The following COPZ2 variants were observed in gnomAD, a reference collection of about 807,000 sequenced individuals.
COPZ2 encodes coat protein complex I subunit zeta 2, also known as coatomer subunit zeta-2.
In COPZ2, 30 loss-of-function variants were observed where a neutral mutation model predicts 33.2. The observed-to-expected ratio is 0.90, with a 90% CI of 0.68 to 1.23. COPZ2 has a LOEUF of 1.23. Ranked by LOEUF, COPZ2 falls within the 50% of genes most tolerant of loss-of-function variation. The pLI, the probability that COPZ2 is intolerant of heterozygous loss-of-function variation, is 0.00. For missense variants in COPZ2, 263 were observed against 262.4 expected, an observed-to-expected ratio of 1.00 and a Z score of -0.02; for synonymous variants, 89 against 102.6, an observed-to-expected ratio of 0.87 and a Z score of 0.80.
In COPZ2 at chr17:48,032,173, G is replaced by T. The variant is rs192028283; in HGVS notation, c.477C>A (p.Asp159Glu). The T allele has an allele frequency of 1.9e-6, 3 of 1,613,262 alleles. No homozygotes were observed. The highest frequency in any genetic ancestry group is 2.5e-6 in the Non-Finnish European group (3 of 1,179,636). Residue 159 changes from aspartate (D) to glutamate (E), a missense_variant, in exon 6 of 9, where the codon GAC (aspartate) becomes GAA (glutamate). Physicochemically the swap from Asp to Glu is conservative, Grantham distance 45. Transcript: ENST00000621465. ...ENMDGAFLVLDEIVDGGVILE... is the reference protein window; with the variant it reads ...ENMDGAFLVLEEIVDGGVILE... ...CTCCTCACCCGCCATCCACAATCTC[G>T]TCCAGCACCAAGAAGGCTCCGTCCA...
rs1282563944 is a variant in COPZ2 at position 48,028,621 on chromosome 17, G to A, written c.547-111C>T. 2.1e-6 allele frequency: 2 copies of A among 966,864 alleles called. No homozygotes were observed. The highest frequency in any genetic ancestry group is 3.1e-6 in the Non-Finnish European group (2 of 638,666). 59.9% of individuals were successfully genotyped at this position (966,864 alleles called of 1,614,324 possible). A position where few individuals can be genotyped will look rare whatever the true frequency, so the allele number is the denominator to read the frequency against. On this transcript the variant is annotated intron_variant, in intron 7 of 8. Coordinates refer to ENST00000621465, the MANE Select transcript of COPZ2 (RefSeq NM_016429.4). The surrounding 1 kb of genome is among the most constrained non-coding windows in gnomAD (Gnocchi z 4.5). ...TGGGTGAGGTGGTGCAGTGGTTAGG[G>A]TGATTCAGAGCTGCACCTGTGTCAC...
At position 48,026,489 on chromosome 17, in the gene COPZ2, G is replaced by A. The variant is rs1330234061; in HGVS notation, c.586-14C>T. ...AGACTGAAGAACCTGGGGTGGGGTG[G>A]GGGAGGTTGAGAGAGAATTGAGAAT... is the stretch of plus-strand genomic sequence containing the variant. On this transcript the variant is annotated splice_polypyrimidine_tract_variant and intron_variant, in intron 8 of 8. Coordinates refer to ENST00000621465, the MANE Select transcript of COPZ2 (RefSeq NM_016429.4). 2 of 1,600,046 alleles carry A rather than the reference G, an allele frequency of 1.2e-6. No homozygotes were observed. The highest frequency in any genetic ancestry group is 1.7e-6 in the Non-Finnish European group (2 of 1,167,640).
the COPZ2 span, among the ~76,000 whole-genome samples, chr17:48,044,323 G>A: frequency 6.6e-6 from 1 of 150,628 alleles, no homozygotes; most frequent in East Asian, 2.0e-4. Context: ...CTCCAGCCTG[G>A]ACCACAGAGC....
At chr17:48,042,809 G>A (rs1443348864), upstream of COPZ2, among the ~76,000 whole-genome samples, 2 of 152,144 alleles carry the variant, frequency 1.3e-5, no homozygotes, top group Non-Finnish European at 2.9e-5. Context: ...AGTAAATTCA[G>A]AGCCAAGTTC....
upstream of COPZ2, among the ~76,000 whole-genome samples, chr17:48,038,827 C>G (rs568327898): frequency 2.0e-5 from 3 of 152,354 alleles, no homozygotes; most frequent in East Asian, 5.8e-4. Flanking sequence ...ATCAAGTCTT[C>G]TTATCTTCAA....
intron 3 of COPZ2, 144 bp downstream of exon 3, chr17:48,033,719 C>A (rs899585237): frequency 1.5e-6 from 1 of 655,890 alleles, no homozygotes; most frequent in Non-Finnish European, 2.7e-6. Flanking sequence ...GAGTGGAGAA[C>A]AGCAGGGAAG....
intron 6 of COPZ2, among the ~76,000 whole-genome samples, chr17:48,030,973 G>A (rs1598259181): frequency 6.6e-6 from 1 of 152,312 alleles, no homozygotes; most frequent in South Asian, 2.1e-4. Context: ...TAGTGCCCCA[G>A]GCAGTCCAGT....
upstream of COPZ2, chr17:48,037,941 CTCTCCTTCCCCCACT>C: frequency 1.3e-6 from 1 of 780,752 alleles, no homozygotes; most frequent in Non-Finnish European, 1.6e-6. The surrounding 1 kb of genome is among the most constrained non-coding windows in gnomAD (Gnocchi z 5.6). Flanking sequence ...CTCACCCCAC[CTCTCCTTCCCCCACT>C]TCTCCTCTCC....
chr17:48,035,508 A>G (rs1384646339), intron 2 of COPZ2, among the ~76,000 whole-genome samples: 1 of 152,012 alleles, frequency 6.6e-6, no homozygotes. Flanking sequence ...CAATCCTCCC[A>G]CTTCAGCCTC....
At chr17:48,046,698 T>A in the COPZ2 span, 2 of 152,250 alleles carry the variant, frequency 1.3e-5, no homozygotes, top group Non-Finnish European at 2.9e-5. Flanking sequence ...GGGGACTGAA[T>A]GGTCTCCTAT....
chr17:48,041,404 C>A (rs1157439480), upstream of COPZ2, among the ~76,000 whole-genome samples: 2 of 152,066 alleles, frequency 1.3e-5, no homozygotes, highest in Non-Finnish European at 2.9e-5. Context: ...AAAAATAGAG[C>A]AGAAATGGGA....
Position 48,028,147 on chromosome 17 carries a change from T to G in COPZ2, c.585+325A>C, listed in dbSNP as rs2036842555. On this transcript the variant is annotated intron_variant, in intron 8 of 8. Coordinates refer to ENST00000621465, the MANE Select transcript of COPZ2 (RefSeq NM_016429.4). The surrounding 1 kb of genome is among the most constrained non-coding windows in gnomAD (Gnocchi z 4.5). ...ATCAGAGGCCTGAGTTCCCAGATTT[T>G]TGGGGTGCACAAGTGACCCAGCCAT... is the stretch of plus-strand genomic sequence containing the variant. Among the ~76,000 whole-genome samples the G allele has an allele frequency of 6.6e-6, 1 of 152,192 alleles. No individual in the cohort carries two copies. Among genetic ancestry groups the G allele is most frequent in the Non-Finnish European group, 1.5e-5 (1 of 68,028 alleles).
At chr17:48,039,843 C>T (rs1227861869), upstream of COPZ2, among the ~76,000 whole-genome samples, 2 of 152,078 alleles carry the variant, frequency 1.3e-5, no homozygotes, top group East Asian at 1.9e-4. Context: ...CAGTGTCGGC[C>T]GGGCACGGTG....
In COPZ2 at chr17:48,026,402, G is replaced by A; in HGVS notation, c.*26C>T. The A allele has an allele frequency of 6.3e-7, 1 of 1,595,880 alleles. No homozygotes were observed. The highest frequency in any genetic ancestry group is 1.1e-5 in the South Asian group (1 of 90,682). On this transcript the variant is annotated 3_prime_UTR_variant, in exon 9 of 9. Coordinates refer to ENST00000621465, the MANE Select transcript of COPZ2 (RefSeq NM_016429.4). ...CCAGGATTGGGGAAATGATCTGGGG[G>A]GCAGGGAGCCTTGAATCCACAGCCT...
chr17:48,045,443 G>A, the COPZ2 span: 1 of 152,112 alleles, frequency 6.6e-6, no homozygotes, highest in Non-Finnish European at 1.5e-5. Context: ...ACTGCAGGAT[G>A]GATGTGGCTG....
chr17:48,039,550 A>G (rs570762363), upstream of COPZ2, among the ~76,000 whole-genome samples: 1 of 151,896 alleles, frequency 6.6e-6, no homozygotes, highest in East Asian at 1.9e-4. Context: ...GATCATGATC[A>G]AGGTCTCACT....
chr17:48,037,948 T>G, upstream of COPZ2: 1 of 689,952 alleles, frequency 1.4e-6, no homozygotes, highest in Non-Finnish European at 1.8e-6. This position sits in a 1 kb window ranked among gnomAD's most constrained non-coding sequence, Gnocchi z 5.6. Flanking sequence ...CACCTCTCCT[T>G]CCCCCACTTC....
At chr17:48,042,130 TTTTC>T (rs1191133467), upstream of COPZ2, among the ~76,000 whole-genome samples, 3 of 151,122 alleles carry the variant, frequency 2.0e-5, no homozygotes, top group South Asian at 2.1e-4. Flanking sequence ...TGCTTTTTCT[TTTTC>T]TTTTTTTCTT....
At chr17:48,040,158 A>T (rs1291383552), upstream of COPZ2, among the ~76,000 whole-genome samples, 1 of 136,026 alleles carries the variant, frequency 7.4e-6, no homozygotes, top group Non-Finnish European at 1.6e-5. Flanking sequence ...ACACACAAAC[A>T]ACTCCCAGGA....
Sources: allele counts gnomAD v4.1 joint callset (sites outside exome capture counted in the v4.1 genomes callset), GRCh38; gene constraint gnomAD v4.1.1; non-coding constraint Gnocchi (gnomAD v3.1); transcripts MANE v1.5; gene names NCBI Gene and HGNC (gene_info 2026-07-23, HGNC 2026-07-21).